SPAG9: variants seen among roughly 807,000 people sequenced by gnomAD.
SPAG9 encodes C-Jun-amino-terminal kinase-interacting protein 4.
SPAG9 carries 35 observed loss-of-function variants against 166.5 expected under a neutral mutation model. The observed-to-expected ratio is 0.21, with a 90% CI of 0.16 to 0.28. The LOEUF is 0.28. Among genes scored for constraint, SPAG9 ranks in the 10% least tolerant of loss-of-function variants. The pLI is 1.00. For missense variants in SPAG9, 1,235 were observed against 1,603.3 expected, an observed-to-expected ratio of 0.77 and a Z score of 3.92; for synonymous variants, 534 against 565.5, an observed-to-expected ratio of 0.94 and a Z score of 0.79.
chr17:51,046,828 T>G, intron 4 of SPAG9: 1 of 1,533,016 alleles, frequency 6.5e-7, no homozygotes, highest in South Asian at 1.2e-5. Flanking sequence ...ATGACGTCAT[T>G]CCGTTCTCCC....
chr17:51,037,700 G>A lies in SPAG9; in HGVS notation c.741+3801C>T, dbSNP rs1358289589. Among the ~76,000 whole-genome samples, 148 of 106,208 alleles carry A rather than the reference G, an allele frequency of 1.4e-3. 1 individual carries two copies. Among genetic ancestry groups the A allele is most frequent in the African/African-American group, 4.5e-3 (144 of 32,280 alleles). The allele number at this position is 106,208 out of a possible 152,430, so 69.7% of individuals were successfully genotyped here. On this transcript the variant is annotated intron_variant, in intron 5 of 29. Coordinates refer to ENST00000262013, the MANE Select transcript of SPAG9 (RefSeq NM_001130528.3). ...ATATATATATAGTGTGTGTGTGTGT[G>A]TGTGTGTGTGTGTGTGTGTGTATAA...
intron 1 of SPAG9, among the ~76,000 whole-genome samples, chr17:51,108,831 A>T (rs916993475): frequency 4.0e-5 from 6 of 151,426 alleles, no homozygotes; most frequent in Middle Eastern, 3.4e-3. Context: ...TTATTTATTT[A>T]TTTTTATTTT....
At chr17:51,119,143 T>TA (rs1568105427) in intron 1 of SPAG9, among the ~76,000 whole-genome samples, 1 of 152,082 alleles carries the variant, frequency 6.6e-6, no homozygotes, top group Non-Finnish European at 1.5e-5. Flanking sequence ...GTCAAGCTTT[T>TA]AAAAAAGGAA....
chr17:51,053,846 AAAAAAAAAG>A (rs1238619641), intron 3 of SPAG9, among the ~76,000 whole-genome samples: 8 of 72,098 alleles, frequency 1.1e-4, no homozygotes, highest in African/African-American at 4.5e-4. Context: ...TAAAAAAAAA[AAAAAAAAAG>A]TATATATATA....
At chr17:51,034,790 T>A (rs926161739) in intron 5 of SPAG9, among the ~76,000 whole-genome samples, 2 of 152,184 alleles carry the variant, frequency 1.3e-5, no homozygotes, top group East Asian at 3.8e-4. Flanking sequence ...AAACAGGGTA[T>A]CTGCACAGTC....
chr17:51,069,648 T>C (rs1395760329), intron 2 of SPAG9, among the ~76,000 whole-genome samples: 1 of 152,144 alleles, frequency 6.6e-6, no homozygotes, highest in Non-Finnish European at 1.5e-5. Context: ...ATGTTATTGT[T>C]TATGTTAATA....
intron 1 of SPAG9, among the ~76,000 whole-genome samples, chr17:51,115,077 A>G (rs1294688082): frequency 2.0e-5 from 3 of 152,220 alleles, no homozygotes; most frequent in Non-Finnish European, 4.4e-5. Context: ...AAGAAGTGTC[A>G]AAAGTCTCCA....
At chr17:51,067,320 G>A (rs1177953133) in intron 2 of SPAG9, among the ~76,000 whole-genome samples, 18 of 152,128 alleles carry the variant, frequency 1.2e-4, no homozygotes, top group Admixed American at 1.2e-3. Flanking sequence ...GTGTGGAAGA[G>A]CCATCTCTTT....
chr17:51,116,582 C>T (rs2049294346), intron 1 of SPAG9, among the ~76,000 whole-genome samples: 1 of 152,000 alleles, frequency 6.6e-6, no homozygotes, highest in African/African-American at 2.4e-5. Flanking sequence ...GACTGGGCAA[C>T]ACAGTGAGAC....
At chr17:51,020,635 A>G (rs2045903755) in intron 7 of SPAG9, among the ~76,000 whole-genome samples, 1 of 152,026 alleles carries the variant, frequency 6.6e-6, no homozygotes, top group Admixed American at 6.6e-5. Context: ...CTGGCCCCCA[A>G]CTCCTGGCCC....
At position 50,985,010 on chromosome 17, in the gene SPAG9, G is replaced by C. The variant is rs756362550; in HGVS notation, c.3021-20C>G. The C allele has an allele frequency of 1.9e-6, 3 of 1,611,054 alleles. No individual in the cohort carries two copies. Among genetic ancestry groups the C allele is most frequent in the Non-Finnish European group, 1.7e-6 (2 of 1,177,354 alleles). On this transcript the variant is annotated intron_variant, in intron 23 of 29. Coordinates refer to ENST00000262013, the MANE Select transcript of SPAG9 (RefSeq NM_001130528.3). ...ACGTGTCTGCAAACAGGAAAGGGGA[G>C]TTCAGAACTCTCCATTCAGGAATAC...
In SPAG9 at chr17:50,987,241, G is replaced by A. The variant is rs1975116832; in HGVS notation, c.2814-4C>T. On this transcript the variant is annotated splice_region_variant and splice_polypyrimidine_tract_variant and intron_variant, in intron 21 of 29. Transcript: ENST00000262013. The stretch of plus-strand genomic sequence containing the variant: ...TTTATATGCATCTGAGTCATTGCTG[G>A]AAAGGGAGGGCAAAAGGAAAGAAAT... 1 of 1,601,446 alleles carries A rather than the reference G, an allele frequency of 6.2e-7. No individual in the cohort carries two copies. The highest frequency in any genetic ancestry group is 1.1e-5 in the South Asian group (1 of 88,502).
chr17:50,966,931 CT>C, intron 29 of SPAG9, among the ~76,000 whole-genome samples: 1 of 152,194 alleles, frequency 6.6e-6, no homozygotes, highest in East Asian at 1.9e-4. Flanking sequence ...GATTCACCAG[CT>C]ACTGGGTTTT....
At chr17:50,980,020 C>T (rs999985404) in intron 25 of SPAG9, 103 bp from the exon 26 acceptor site, 79 of 972,702 alleles carry the variant, frequency 8.1e-5, no homozygotes, top group Non-Finnish European at 1.2e-4. Context: ...AAAGACAAGC[C>T]CAAATATTAT....
chr17:51,002,226 A>G (rs905612588), intron 12 of SPAG9, among the ~76,000 whole-genome samples: 2 of 152,092 alleles, frequency 1.3e-5, no homozygotes, highest in Admixed American at 6.6e-5. Context: ...TATGTTGCCC[A>G]GGCTCATCTT....
chr17:50,991,975 T>C (rs956993117), intron 19 of SPAG9, among the ~76,000 whole-genome samples: 3 of 141,448 alleles, frequency 2.1e-5, no homozygotes, highest in Admixed American at 7.6e-5. Flanking sequence ...CTTACTCCCA[T>C]TGCCCAGGTG....
chr17:51,033,917 A>G (rs1157259326), intron 5 of SPAG9, among the ~76,000 whole-genome samples: 2 of 152,254 alleles, frequency 1.3e-5, no homozygotes, highest in Non-Finnish European at 2.9e-5. Context: ...TCACATTTAA[A>G]ATACAAGCTT....
Position 50,963,025 on chromosome 17 carries a change from C to T in SPAG9, c.*3247G>A, listed in dbSNP as rs1973196295. The stretch of plus-strand genomic sequence containing the variant: ...AGTGAGTTCCTAGAGAATATTATCC[C>T]TTTGCCTCACAGAGATTTTAACCTG... On this transcript the variant is annotated 3_prime_UTR_variant, in exon 30 of 30. Coordinates refer to ENST00000262013, the MANE Select transcript of SPAG9 (RefSeq NM_001130528.3). 1 of 152,186 alleles carries T rather than the reference C, an allele frequency of 6.6e-6. No homozygotes were observed. The highest frequency in any genetic ancestry group is 2.1e-4 in the South Asian group (1 of 4,828). 9.4% of individuals were successfully genotyped at this position (152,186 alleles called of 1,614,324 possible).
At chr17:51,072,882 C>A (rs2047862129) in intron 2 of SPAG9, among the ~76,000 whole-genome samples, 1 of 152,100 alleles carries the variant, frequency 6.6e-6, no homozygotes, top group Non-Finnish European at 1.5e-5. Flanking sequence ...CTTCCTACAT[C>A]ACCTTTTTAA....
Sources: gnomAD v4.1 joint callset for allele counts (sites outside exome capture counted in the v4.1 genomes callset) on GRCh38, gnomAD v4.1.1 for gene constraint, MANE v1.5 for transcripts, NCBI Gene and HGNC (gene_info 2026-07-23, HGNC 2026-07-21) for gene names.